MAML2: variants seen among roughly 807,000 people sequenced by gnomAD.
The protein encoded by MAML2 is mastermind-like protein 2.
A neutral mutation model predicts 96.1 loss-of-function variants in MAML2; 22 were observed. That is an observed-to-expected ratio of 0.23 (90% confidence interval 0.16 to 0.33). The LOEUF is 0.33. MAML2 is among the 10% of genes least tolerant of loss of function. The pLI, the probability that MAML2 is intolerant of heterozygous loss-of-function variation, is 1.00. For synonymous variants in MAML2, 561 were observed against 521.3 expected (o/e 1.08, Z -1.04); for missense variants, 1,367 against 1,392.4 (o/e 0.98, Z 0.29).
At chr11:96,165,911 A>G (rs927814858) in intron 1 of MAML2, among the ~76,000 whole-genome samples, 1 of 152,204 alleles carries the variant, frequency 6.6e-6, no homozygotes, top group African/African-American at 2.4e-5. Context: ...ATTAGTATCT[A>G]TGATTTTGTA....
chr11:96,281,123 C>G (rs1863057992), intron 1 of MAML2, among the ~76,000 whole-genome samples: 1 of 152,062 alleles, frequency 6.6e-6, no homozygotes, highest in Non-Finnish European at 1.5e-5. Flanking sequence ...TAAAATGTAT[C>G]AAAAGACTGA....
At chr11:96,049,179 G>T (rs753481426) in intron 2 of MAML2, among the ~76,000 whole-genome samples, 4 of 152,194 alleles carry the variant, frequency 2.6e-5, no homozygotes, top group Admixed American at 1.3e-4. Flanking sequence ...AAGATGAGCT[G>T]CAGGGTGGTG....
chr11:96,219,088 G>T (rs1372244016), intron 1 of MAML2, among the ~76,000 whole-genome samples: 5 of 152,180 alleles, frequency 3.3e-5, no homozygotes, highest in African/African-American at 4.8e-5. Flanking sequence ...CCGGCTCCGG[G>T]TCTAATGGAT....
intron 1 of MAML2, among the ~76,000 whole-genome samples, chr11:96,289,326 G>A (rs116156169): frequency 0.013 from 1,979 of 152,054 alleles, 35 homozygotes; most frequent in African/African-American, 0.043. Context: ...ATAATTATCC[G>A]GATTACAAAT....
At chr11:96,032,108 T>G (rs1274205032) in intron 2 of MAML2, among the ~76,000 whole-genome samples, 1 of 152,092 alleles carries the variant, frequency 6.6e-6, no homozygotes, top group Non-Finnish European at 1.5e-5. Flanking sequence ...GTCCACAAAT[T>G]AAGAATGTTT....
intron 1 of MAML2, among the ~76,000 whole-genome samples, chr11:96,252,458 G>A (rs1032009539): frequency 7.9e-6 from 1 of 127,170 alleles, no homozygotes; most frequent in African/African-American, 3.0e-5. Context: ...CTGGAGTCTC[G>A]CTCTGTCACG....
intron 1 of MAML2, among the ~76,000 whole-genome samples, chr11:96,226,081 A>G (rs1310547012): frequency 6.6e-6 from 1 of 152,232 alleles, no homozygotes; most frequent in Non-Finnish European, 1.5e-5. Context: ...TAGAAATACA[A>G]AGACAAATAA....
intron 2 of MAML2, among the ~76,000 whole-genome samples, chr11:95,998,837 T>C (rs1304288967): frequency 6.6e-6 from 1 of 152,220 alleles, no homozygotes; most frequent in Non-Finnish European, 1.5e-5. Context: ...GAAAAAAATC[T>C]GGTTAAAAAT....
At chr11:96,241,807 C>T (rs147016457) in intron 1 of MAML2, among the ~76,000 whole-genome samples, 53 of 152,214 alleles carry the variant, frequency 3.5e-4, no homozygotes, top group African/African-American at 1.1e-3. Context: ...TGGAAGTTTT[C>T]GAAATTCTAG....
intron 1 of MAML2, among the ~76,000 whole-genome samples, chr11:96,138,623 G>C (rs1417744252): frequency 6.6e-6 from 1 of 152,006 alleles, no homozygotes; most frequent in Non-Finnish European, 1.5e-5. Context: ...TAAGAAAGAT[G>C]GGGGGGTTGG....
At chr11:96,019,910 A>T (rs942374460) in intron 2 of MAML2, among the ~76,000 whole-genome samples, 41 of 152,282 alleles carry the variant, frequency 2.7e-4, no homozygotes, top group African/African-American at 7.5e-4. Context: ...TTTTCTCCAT[A>T]CTTATGACTC....
intron 2 of MAML2, among the ~76,000 whole-genome samples, chr11:95,993,636 T>C (rs757258980): frequency 5.3e-5 from 8 of 152,174 alleles, no homozygotes; most frequent in Middle Eastern, 3.2e-3. Flanking sequence ...GTAGAGGTGG[T>C]AGGTACACTG....
chr11:96,311,791 A>G (rs982750759), intron 1 of MAML2, among the ~76,000 whole-genome samples: 14 of 152,162 alleles, frequency 9.2e-5, no homozygotes, highest in African/African-American at 3.4e-4. Context: ...TTTTCTAAAT[A>G]ATTTTTTCAA....
chr11:96,119,139 G>A (rs554423455), intron 1 of MAML2, among the ~76,000 whole-genome samples: 1 of 152,304 alleles, frequency 6.6e-6, no homozygotes, highest in Admixed American at 6.5e-5. Flanking sequence ...CAGTATTATG[G>A]TAGGCAGGAT....
intron 1 of MAML2, among the ~76,000 whole-genome samples, chr11:96,095,076 C>A (rs1015178564): frequency 1.1e-4 from 16 of 152,214 alleles, no homozygotes; most frequent in Admixed American, 9.2e-4. Flanking sequence ...AAGTAACTTG[C>A]CCAGGGTCAC....
chr11:96,163,035 G>C (rs1861137676), intron 1 of MAML2, among the ~76,000 whole-genome samples: 1 of 152,144 alleles, frequency 6.6e-6, no homozygotes, highest in African/African-American at 2.4e-5. Flanking sequence ...TTAGAATGTT[G>C]GCTGGAGCCA....
At chr11:96,036,786 G>C (rs1365676075) in intron 2 of MAML2, among the ~76,000 whole-genome samples, 2 of 152,112 alleles carry the variant, frequency 1.3e-5, no homozygotes, top group African/African-American at 4.8e-5. Context: ...TTACTGCCTT[G>C]AATTCCCCAG....
Position 95,979,614 on chromosome 11 carries a change from T to C in MAML2, c.2805A>G (p.Gln935=). ...FGAGSVGNSQ[Q]LRPNLTHSMA... Reference sequence around the variant, plus strand: ...TACTATGGGTTAAATTTGGTCTCAATTGTTGTGAATTACCAACAGATCCAG... The same window carrying C: ...TACTATGGGTTAAATTTGGTCTCAACTGTTGTGAATTACCAACAGATCCAG... The change falls in exon 5 of 5, where the codon CAA becomes CAG. Residue 935 remains glutamine (Q), a synonymous_variant. Coordinates refer to ENST00000524717, the MANE Select transcript of MAML2 (RefSeq NM_032427.4). The C allele has an allele frequency of 6.2e-7, 1 of 1,613,966 alleles. No individual in the cohort carries two copies. The highest frequency in any genetic ancestry group is 8.5e-7 in the Non-Finnish European group (1 of 1,179,868).
chr11:95,991,144 C>T (rs1205248522), intron 3 of MAML2, among the ~76,000 whole-genome samples: 2 of 152,142 alleles, frequency 1.3e-5, no homozygotes, highest in African/African-American at 4.8e-5. Context: ...GCTTTTGAAA[C>T]TCTTATCTCT....
Sources: gnomAD v4.1 joint callset for allele counts (sites outside exome capture counted in the v4.1 genomes callset) on GRCh38, gnomAD v4.1.1 for gene constraint, MANE v1.5 for transcripts, NCBI Gene and HGNC (gene_info 2026-07-23, HGNC 2026-07-21) for gene names.